Variants in GALNT18 observed in about 807,000 individuals in gnomAD.
The protein encoded by GALNT18 is GalNAc-transferase 18.
Under a neutral mutation model 69.5 loss-of-function variants are expected in GALNT18, and 44 were observed. The ratio of observed to expected loss-of-function variants is 0.63; its 90% CI spans 0.50 to 0.81. The LOEUF (loss-of-function observed/expected upper bound fraction) is 0.81, where lower values mean the gene tolerates loss of function less well. GALNT18 is among the 40% of genes least tolerant of loss of function. The pLI, the probability that GALNT18 is intolerant of heterozygous loss-of-function variation, is 0.00. For synonymous variants in GALNT18, 364 were observed against 318.2 expected, an observed-to-expected ratio of 1.14 and a Z score of -1.53; for missense variants, 715 against 810.0, an observed-to-expected ratio of 0.88 and a Z score of 1.42.
At chr11:11,495,114 T>C (rs1377387555) in intron 1 of GALNT18, among the ~76,000 whole-genome samples, 1 of 152,146 alleles carries the variant, frequency 6.6e-6, no homozygotes, top group Non-Finnish European at 1.5e-5. Context: ...AAAAAGTATT[T>C]GAAATCAGGC....
chr11:11,589,686 AG>A (rs1265073580), intron 1 of GALNT18, among the ~76,000 whole-genome samples: 1 of 152,084 alleles, frequency 6.6e-6, no homozygotes, highest in East Asian at 1.9e-4. Flanking sequence ...AGAGTGACAC[AG>A]TTTGTCTATC....
At chr11:11,401,666 A>G (rs1027629611) in intron 3 of GALNT18, among the ~76,000 whole-genome samples, 3 of 152,254 alleles carry the variant, frequency 2.0e-5, no homozygotes, top group African/African-American at 7.2e-5. Flanking sequence ...ATTATCATTC[A>G]AAGTCATAAA....
intron 5 of GALNT18, among the ~76,000 whole-genome samples, chr11:11,375,113 A>G (rs1853715156): frequency 6.6e-6 from 1 of 152,216 alleles, no homozygotes; most frequent in Non-Finnish European, 1.5e-5. Flanking sequence ...ACCAGAAGAT[A>G]TTGCTGGGCT....
Position 11,621,443 on chromosome 11 carries a change from T to G in GALNT18, c.151A>C (p.Lys51Gln). The G allele has an allele frequency of 6.2e-7, 1 of 1,614,054 alleles. No homozygotes were observed. Among genetic ancestry groups the G allele is most frequent in the Non-Finnish European group, 8.5e-7 (1 of 1,179,990 alleles). ...VRGQEPAPDK[K>Q]LEEDKGDTLK... The stretch of plus-strand genomic sequence containing the variant: ...GTGTCCCCTTTGTCTTCCTCCAGCT[T>G]CTTGTCGGGCGCCGGCTCCTGCCCC... Residue 51 changes from lysine (K) to glutamine (Q), a missense_variant, in exon 1 of 11, where the codon AAG becomes CAG. Physicochemically the swap from Lys to Gln is moderately conservative, Grantham distance 53 (BLOSUM62 1). Coordinates refer to ENST00000227756, the MANE Select transcript of GALNT18 (RefSeq NM_198516.3). This position sits in a 1 kb window ranked among gnomAD's most constrained non-coding sequence, Gnocchi z 9.3.
chr11:11,509,810 A>G (rs150974157), intron 1 of GALNT18, among the ~76,000 whole-genome samples: 1 of 152,376 alleles, frequency 6.6e-6, no homozygotes, highest in African/African-American at 2.4e-5. Context: ...TGATTAACAC[A>G]TGCGCTACTC....
At position 11,372,737 on chromosome 11, in the gene GALNT18, G is replaced by A. The variant is rs1244473461; in HGVS notation, c.978-108C>T. The A allele has an allele frequency of 3.5e-6, 3 of 857,334 alleles. No individual in the cohort carries two copies. Among genetic ancestry groups the A allele is most frequent in the South Asian group, 3.0e-5 (2 of 67,394 alleles). The allele number at this position is 857,334 out of a possible 1,614,324, so 53.1% of individuals were successfully genotyped here. A position where few individuals can be genotyped will look rare whatever the true frequency, so the allele number is the denominator to read the frequency against. On this transcript the variant is annotated intron_variant, in intron 5 of 10. Coordinates refer to ENST00000227756, the MANE Select transcript of GALNT18 (RefSeq NM_198516.3). The surrounding 1 kb of genome is among the most constrained non-coding windows in gnomAD (Gnocchi z 4.9). ...GTCTGGTTCTCTTCCTTCCTTTGCTGCCAGAGCCAGTGTGAGCCTTGTTCT... is the reference window on the plus strand; with the variant it reads ...GTCTGGTTCTCTTCCTTCCTTTGCTACCAGAGCCAGTGTGAGCCTTGTTCT...
intron 1 of GALNT18, among the ~76,000 whole-genome samples, chr11:11,529,701 G>T (rs975024659): frequency 1.3e-5 from 2 of 152,118 alleles, no homozygotes; most frequent in Non-Finnish European, 2.9e-5. Flanking sequence ...GCACGTGCAT[G>T]TTAGAGGGGA....
At chr11:11,381,311 G>A (rs1853912241) in intron 3 of GALNT18, among the ~76,000 whole-genome samples, 1 of 152,140 alleles carries the variant, frequency 6.6e-6, no homozygotes, top group Non-Finnish European at 1.5e-5. Context: ...GTTAAGTGTT[G>A]AGTGCACAGA....
chr11:11,458,558 T>C (rs1855971652), intron 1 of GALNT18, among the ~76,000 whole-genome samples: 1 of 152,214 alleles, frequency 6.6e-6, no homozygotes. Context: ...GAAGTCACCA[T>C]TATTCCCATT....
chr11:11,288,833 G>C (rs909478015), intron 10 of GALNT18, among the ~76,000 whole-genome samples: 1 of 151,494 alleles, frequency 6.6e-6, no homozygotes, highest in African/African-American at 2.4e-5. Context: ...GGAACACTAA[G>C]ATATGCAAAT....
In GALNT18 at chr11:11,595,723, T is replaced by A. The variant is rs1025115868; in HGVS notation, c.235+25636A>T. Reference sequence around the variant, plus strand: ...CTATTGAGATGTTTTGCCTATTTTTTAATTGTGTCATTTATCACCTTTACT... The same window carrying A: ...CTATTGAGATGTTTTGCCTATTTTTAAATTGTGTCATTTATCACCTTTACT... On this transcript the variant is annotated intron_variant, in intron 1 of 10. Coordinates refer to ENST00000227756, the MANE Select transcript of GALNT18 (RefSeq NM_198516.3). This position sits in a 1 kb window ranked among gnomAD's most constrained non-coding sequence, Gnocchi z 5.2. Among the ~76,000 whole-genome samples the A allele has an allele frequency of 2.6e-4, 40 of 152,240 alleles. No homozygotes were observed. The highest frequency in any genetic ancestry group is 8.2e-4 in the African/African-American group (34 of 41,466).
rs58220509 is a variant in GALNT18 at position 11,477,693 on chromosome 11, T to G, written c.236-28757A>C. Among the ~76,000 whole-genome samples, 23 of 152,372 alleles carry G rather than the reference T, an allele frequency of 1.5e-4. 1 individual carries two copies. The East Asian group carries it at 4.4e-3, about 29-fold the overall frequency. On this transcript the variant is annotated intron_variant, in intron 1 of 10. Transcript: ENST00000227756. ...CACTGGACCCTCTTAAGACTGTGTT[T>G]TGGTATAAATTTATATACGACTTAT...
intron 6 of GALNT18, among the ~76,000 whole-genome samples, chr11:11,351,040 C>A (rs1009845002): frequency 1.3e-5 from 2 of 152,148 alleles, no homozygotes; most frequent in African/African-American, 4.8e-5. Context: ...GAGGTTCAAT[C>A]TATTGTGTGG....
chr11:11,475,859 T>G (rs1419147033), intron 1 of GALNT18: 1 of 152,178 alleles, frequency 6.6e-6, no homozygotes, highest in Non-Finnish European at 1.5e-5. Context: ...ACACAGCATC[T>G]TGGTTCCATA....
intron 10 of GALNT18, among the ~76,000 whole-genome samples, chr11:11,275,352 G>A (rs901200821): frequency 1.3e-5 from 2 of 152,138 alleles, no homozygotes; most frequent in South Asian, 4.1e-4. Context: ...TTTGAGAAGT[G>A]TCTGTTCATA....
chr11:11,369,666 A>T (rs1850852316), intron 6 of GALNT18, among the ~76,000 whole-genome samples: 1 of 152,156 alleles, frequency 6.6e-6, no homozygotes, highest in African/African-American at 2.4e-5. Flanking sequence ...ATGTTTTCTT[A>T]TGCATTCTAG....
intron 10 of GALNT18, among the ~76,000 whole-genome samples, chr11:11,277,108 C>T (rs1248509386): frequency 1.3e-5 from 2 of 152,150 alleles, no homozygotes; most frequent in East Asian, 1.9e-4. Flanking sequence ...CTTTGTGCCT[C>T]TGGTAGAATT....
rs1248884051 is a variant in GALNT18 at position 11,594,147 on chromosome 11, C to T, written c.235+27212G>A. On this transcript the variant is annotated intron_variant, in intron 1 of 10. Coordinates refer to ENST00000227756, the MANE Select transcript of GALNT18 (RefSeq NM_198516.3). ...TATTTTTTTAGAAGAATGTCAGGTC[C>T]AGGTGGCCACAGTTCATTGGTATCT... Among the ~76,000 whole-genome samples the T allele has an allele frequency of 6.6e-5, 10 of 152,288 alleles. No homozygotes were observed. The South Asian group carries it at 1.9e-3, about 28-fold the overall frequency.
At chr11:11,576,480 TG>T (rs1758344356) in intron 1 of GALNT18, among the ~76,000 whole-genome samples, 3 of 152,210 alleles carry the variant, frequency 2.0e-5, no homozygotes, top group Admixed American at 2.0e-4. Flanking sequence ...TAACATTTGT[TG>T]AAATGTTCAC....
Sources: gnomAD v4.1 joint callset for allele counts (sites outside exome capture counted in the v4.1 genomes callset) on GRCh38, gnomAD v4.1.1 for gene constraint, Gnocchi (gnomAD v3.1) non-coding constraint, MANE v1.5 for transcripts, NCBI Gene and HGNC (gene_info 2026-07-23, HGNC 2026-07-21) for gene names.